Variants in NEK6 observed in about 807,000 individuals in gnomAD.
The protein encoded by NEK6 is NIMA related kinase 6.
A neutral mutation model predicts 43.5 loss-of-function variants in NEK6; 27 were observed. The ratio of observed to expected loss-of-function variants is 0.62; its 90% CI spans 0.46 to 0.86. The LOEUF is 0.86. NEK6 is among the 40% of genes least tolerant of loss of function. The probability of loss-of-function intolerance (pLI) is 0.00; values close to 1 mark genes in which losing one functional copy is unlikely to be tolerated. For missense variants in NEK6, 318 were observed against 414.4 expected (o/e 0.77, Z 2.02); for synonymous variants, 167 against 164.1 (o/e 1.02, Z -0.14).
chr9:124,287,233 C>T (rs992316578), intron 1 of NEK6, among the ~76,000 whole-genome samples: 2 of 152,206 alleles, frequency 1.3e-5, no homozygotes, highest in African/African-American at 2.4e-5. Context: ...CCCCCAGGTC[C>T]TCCTGTCCTT....
At chr9:124,274,081 G>T (rs1465591353) in intron 1 of NEK6, among the ~76,000 whole-genome samples, 1 of 152,254 alleles carries the variant, frequency 6.6e-6, no homozygotes, top group Non-Finnish European at 1.5e-5. Context: ...ACAGAGGCAG[G>T]ATTGGCCGCC....
intron 7 of NEK6, among the ~76,000 whole-genome samples, chr9:124,330,989 G>A (rs569779960): frequency 2.8e-4 from 43 of 152,258 alleles, no homozygotes; most frequent in Middle Eastern, 3.4e-3. Flanking sequence ...TTGGCCAGGC[G>A]TGGTGGCTCC....
At chr9:124,304,665 TAGAA>T (rs1281135868) in intron 2 of NEK6, among the ~76,000 whole-genome samples, 2 of 152,282 alleles carry the variant, frequency 1.3e-5, no homozygotes, top group East Asian at 1.9e-4. Context: ...ACCCCCAGTG[TAGAA>T]AGAAAGAAAC....
intron 1 of NEK6, among the ~76,000 whole-genome samples, chr9:124,267,887 T>C (rs867195459): frequency 2.0e-5 from 3 of 152,052 alleles, no homozygotes; most frequent in Non-Finnish European, 2.9e-5. Context: ...TTTATGGTGT[T>C]CTGTGTCTTC....
chr9:124,342,341 G>A (rs1238467270), intron 8 of NEK6, among the ~76,000 whole-genome samples: 1 of 152,242 alleles, frequency 6.6e-6, no homozygotes, highest in Non-Finnish European at 1.5e-5. Flanking sequence ...TTGAATTAGA[G>A]CACGTGTCTG....
chr9:124,301,095 T>A (rs914325536), intron 1 of NEK6, among the ~76,000 whole-genome samples: 2 of 152,158 alleles, frequency 1.3e-5, no homozygotes, highest in African/African-American at 4.8e-5. Flanking sequence ...GGAGGGCTTT[T>A]CCCCTGGCAT....
At chr9:124,338,953 G>T (rs1292575524) in intron 7 of NEK6, among the ~76,000 whole-genome samples, 9 of 78 alleles carry the variant, frequency 0.12, no homozygotes, top group South Asian at 0.25. Context: ...GCCGGGCCGA[G>T]GAGGCATCCC....
intron 1 of NEK6, among the ~76,000 whole-genome samples, chr9:124,299,488 T>G (rs1415694903): frequency 6.6e-6 from 1 of 152,212 alleles, no homozygotes; most frequent in Non-Finnish European, 1.5e-5. Context: ...TGGGGCTCTT[T>G]ATACCCTGGG....
rs555017705 is a variant in NEK6 at position 124,344,195 on chromosome 9, G to A, written c.718-3514G>A. ...CTGTCATGAGGGCTCTTGTGGGTAC[G>A]TTGGGGCCCACCTGGATAATGCCCC... On this transcript the variant is annotated intron_variant, in intron 8 of 9. Transcript: ENST00000320246. 3.7e-4 allele frequency among the ~76,000 whole-genome samples: 56 copies of A among 152,290 alleles called. 1 individual carries two copies. The South Asian group carries it at 8.9e-3, about 24-fold the overall frequency.
intron 1 of NEK6, chr9:124,292,195 C>T: frequency 7.9e-7 from 1 of 1,266,806 alleles, no homozygotes; most frequent in African/African-American, 1.5e-5. Flanking sequence ...GCTGGAGCTC[C>T]AGGGACCTTG....
At chr9:124,267,073 C>A (rs183344496) in intron 1 of NEK6, among the ~76,000 whole-genome samples, 3 of 152,234 alleles carry the variant, frequency 2.0e-5, no homozygotes, top group Non-Finnish European at 4.4e-5. Flanking sequence ...TTCTACCAAG[C>A]ACACACTTTG....
In NEK6 at chr9:124,326,202, T is replaced by TCCCCCACCCCCCCCCCC; in HGVS notation, c.406-123_406-122insACCCCCCCCCCCCCCCC. On this transcript the variant is annotated intron_variant, in intron 5 of 9. Coordinates refer to ENST00000320246, the MANE Select transcript of NEK6 (RefSeq NM_014397.6). This position sits in a 1 kb window ranked among gnomAD's most constrained non-coding sequence, Gnocchi z 4.5. ...GCTTATTGTTTGCTCAGTGGCTCAA[T>TCCCCCACCCCCCCCCCC]CCCCCCCCCCCGCCCCTGCCAGGCA... is the stretch of plus-strand genomic sequence containing the variant. The TCCCCCACCCCCCCCCCC allele has an allele frequency of 8.1e-6, 1 of 124,052 alleles. No individual in the cohort carries two copies. The highest frequency in any genetic ancestry group is 2.0e-5 in the Non-Finnish European group (1 of 50,618). 7.7% of individuals were successfully genotyped at this position (124,052 alleles called of 1,614,324 possible).
rs949496008 is a variant in NEK6, at chr9:124,257,972, G to C, written c.-143G>C. The stretch of plus-strand genomic sequence containing the variant: ...AGGCGGTGGCGGCGGCGGCGGAACC[G>C]AGCTGACGGGCGTGCGGCCGCTGCG... On this transcript the variant is annotated 5_prime_UTR_variant, in exon 1 of 10. Transcript: ENST00000320246. The C allele has an allele frequency of 7.2e-6, 7 of 978,874 alleles. No individual in the cohort carries two copies. The Admixed American group carries it at 2.6e-4, about 36-fold the overall frequency. 60.6% of individuals were successfully genotyped at this position (978,874 alleles called of 1,614,324 possible).
At chr9:124,262,491 T>C (rs1228102863) in intron 1 of NEK6, among the ~76,000 whole-genome samples, 1 of 152,256 alleles carries the variant, frequency 6.6e-6, no homozygotes, top group Non-Finnish European at 1.5e-5. Context: ...GGCTGCGCCA[T>C]TGTCTCCAAT....
chr9:124,304,901 G>A (rs1048987374), intron 2 of NEK6, among the ~76,000 whole-genome samples: 7 of 152,200 alleles, frequency 4.6e-5, no homozygotes, highest in Admixed American at 3.9e-4. Context: ...GAGGAAAGAA[G>A]CTTAAAATGC....
rs775614717 is a variant in NEK6 at position 124,314,001 on chromosome 9, C to T, written c.294+16C>T. On this transcript the variant is annotated intron_variant, in intron 4 of 9. Transcript: ENST00000320246. Reference sequence around the variant, plus strand: ...CCTCTTGAAGGTGAGCACCCTGGGCCGAGCGGGAGCTTTGCCTCCTCGGGG... The same window carrying T: ...CCTCTTGAAGGTGAGCACCCTGGGCTGAGCGGGAGCTTTGCCTCCTCGGGG... The T allele has an allele frequency of 1.6e-5, 26 of 1,613,406 alleles. No homozygotes were observed. Among genetic ancestry groups the T allele is most frequent in the Middle Eastern group, 1.7e-4 (1 of 6,000 alleles).
intron 1 of NEK6, chr9:124,261,696 G>T: frequency 1.5e-6 from 1 of 649,864 alleles, no homozygotes. Context: ...TTGTGTGTGA[G>T]GACCTGTGTG....
intron 1 of NEK6, among the ~76,000 whole-genome samples, chr9:124,269,531 G>A (rs1203975624): frequency 2.6e-5 from 4 of 151,934 alleles, no homozygotes; most frequent in South Asian, 2.1e-4. Context: ...CCACCACCAC[G>A]CCCGGCTAAT....
chr9:124,348,326 C>T (rs1052873055), intron 9 of NEK6, among the ~76,000 whole-genome samples: 2 of 152,160 alleles, frequency 1.3e-5, no homozygotes, highest in Admixed American at 6.5e-5. Flanking sequence ...ACACTGGCTG[C>T]GGGAGCCGTG....
Sources: allele counts gnomAD v4.1 joint callset (sites outside exome capture counted in the v4.1 genomes callset), GRCh38; gene constraint gnomAD v4.1.1; non-coding constraint Gnocchi (gnomAD v3.1); transcripts MANE v1.5; gene names NCBI Gene and HGNC (gene_info 2026-07-23, HGNC 2026-07-21).